The following ZNF791 variants were observed in gnomAD, a reference collection of about 807,000 sequenced individuals.
ZNF791 encodes zinc finger protein 791.
A neutral mutation model predicts 11.5 loss-of-function variants in ZNF791; 4 were observed. The observed-to-expected ratio is 0.35, with a 90% CI of 0.17 to 0.80. The LOEUF (loss-of-function observed/expected upper bound fraction) is 0.80, where lower values mean the gene tolerates loss of function less well. ZNF791 is among the 30% of genes least tolerant of loss of function. The probability of loss-of-function intolerance (pLI) is 0.53; values close to 1 mark genes in which losing one functional copy is unlikely to be tolerated. For missense variants in ZNF791, 559 were observed against 699.4 expected (o/e 0.80, Z 2.26); for synonymous variants, 212 against 228.1 (o/e 0.93, Z 0.64).
intron 2 of ZNF791, 45 bp from the exon 3 acceptor site, chr19:12,624,605 T>G (rs1303144785): frequency 1.4e-6 from 2 of 1,397,348 alleles, no homozygotes; most frequent in Non-Finnish European, 2.0e-6. Flanking sequence ...AATATTTGTA[T>G]AATTTTTAAT....
At chr19:12,618,933 C>CGCCTCCTGGGTTCAA (rs2023289451) in intron 1 of ZNF791, among the ~76,000 whole-genome samples, 1 of 150,812 alleles carries the variant, frequency 6.6e-6, no homozygotes, top group South Asian at 2.1e-4. Context: ...CTGCAACCTC[C>CGCCTCCTGGGTTCAA]GCCTCCTGGG....
rs1170537456 is a variant in ZNF791, at chr19:12,628,762, C to T, written c.1233C>T (p.Pro411=). The change falls in exon 4 of 4, where the codon CCC becomes CCT. Residue 411 remains proline, a synonymous_variant. Transcript: ENST00000343325. ...IHKRNHTGEK[P]YECKECAKTF... is the part of the protein sequence containing the mutation. ...AGAGAAATCACACTGGAGAAAAACC[C>T]TATGAGTGTAAGGAATGTGCAAAAA... 18 of 1,612,056 alleles carry T rather than the reference C, an allele frequency of 1.1e-5. No individual in the cohort carries two copies. Among genetic ancestry groups the T allele is most frequent in the Non-Finnish European group, 1.5e-5 (18 of 1,179,386 alleles).
chr19:12,623,048 C>G (rs1278473854), intron 1 of ZNF791, among the ~76,000 whole-genome samples: 1 of 152,080 alleles, frequency 6.6e-6, no homozygotes, highest in Non-Finnish European at 1.5e-5. Flanking sequence ...GCACTTGAGC[C>G]TAGGTGACAG....
chr19:12,612,097 G>A, intron 1 of ZNF791: 1 of 615,978 alleles, frequency 1.6e-6, no homozygotes, highest in Non-Finnish European at 2.0e-6. Flanking sequence ...TGATGTTTCA[G>A]ATGGTATTCC....
At chr19:12,619,037 G>A (rs537831868) in intron 1 of ZNF791, among the ~76,000 whole-genome samples, 38 of 151,704 alleles carry the variant, frequency 2.5e-4, no homozygotes, top group African/African-American at 1.4e-4. Flanking sequence ...TAGTAGCGAC[G>A]GAGTTTCACC....
At chr19:12,622,431 A>AAAAAC (rs1568288633) in intron 1 of ZNF791, among the ~76,000 whole-genome samples, 1 of 146,406 alleles carries the variant, frequency 6.8e-6, no homozygotes, top group African/African-American at 2.5e-5. Context: ...AAAAAAAAAA[A>AAAAAC]ACCTCCACCT....
In ZNF791 at chr19:12,633,184, T is replaced by G. The variant is rs534543479; in HGVS notation, c.*3924T>G. The G allele has an allele frequency of 6.6e-6, 1 of 152,330 alleles. No homozygotes were observed. The highest frequency in any genetic ancestry group is 2.1e-4 in the South Asian group (1 of 4,832). The allele number at this position is 152,330 out of a possible 1,614,324, so 9.4% of individuals were successfully genotyped here. A position where few individuals can be genotyped will look rare whatever the true frequency, so the allele number is the denominator to read the frequency against. ...AACATCTGGCATAAGTTGGTAAGTA[T>G]GTGAAGTTTATCATATATTCTTATG... On this transcript the variant is annotated 3_prime_UTR_variant, in exon 4 of 4. Coordinates refer to ENST00000343325, the MANE Select transcript of ZNF791 (RefSeq NM_153358.3).
At chr19:12,623,876 G>GGGGA in intron 2 of ZNF791, 50 bp downstream of exon 2, 1 of 833,968 alleles carries the variant, frequency 1.2e-6, no homozygotes, top group Non-Finnish European at 1.8e-6. Flanking sequence ...TTTTTGGGGG[G>GGGGA]GGACAGAGTT....
chr19:12,622,384 A>T lies in ZNF791; in HGVS notation c.4-1316A>T, dbSNP rs1304005919. On this transcript the variant is annotated intron_variant, in intron 1 of 3. Transcript: ENST00000343325. Reference sequence around the variant, plus strand: ...AATTAAAAAAAATAATAAATAAAAAAAATAATAAAAAAAAGACTGTCTCAA... The same window carrying T: ...AATTAAAAAAAATAATAAATAAAAATAATAATAAAAAAAAGACTGTCTCAA... Among the ~76,000 whole-genome samples the T allele has an allele frequency of 1.3e-3, 176 of 131,976 alleles. 3 individuals are homozygous for T. The highest frequency in any genetic ancestry group is 4.6e-4 in the Non-Finnish European group (29 of 62,712). The allele number at this position is 131,976 out of a possible 152,430, so 86.6% of individuals were successfully genotyped here. A position where few individuals can be genotyped will look rare whatever the true frequency, so the allele number is the denominator to read the frequency against.
chr19:12,624,202 G>C (rs1365326083), intron 2 of ZNF791, among the ~76,000 whole-genome samples: 1 of 144,204 alleles, frequency 6.9e-6, no homozygotes, highest in Non-Finnish European at 1.5e-5. Context: ...CCCCAGGGTG[G>C]AGTGCAGTGG....
chr19:12,621,031 G>A (rs1163509584), intron 1 of ZNF791, among the ~76,000 whole-genome samples: 2 of 152,078 alleles, frequency 1.3e-5, no homozygotes, highest in African/African-American at 4.8e-5. Context: ...ACAGTGCTGG[G>A]ATTACAGGCA....
At chr19:12,620,190 A>T (rs574614199) in intron 1 of ZNF791, among the ~76,000 whole-genome samples, 1 of 151,850 alleles carries the variant, frequency 6.6e-6, no homozygotes, top group East Asian at 1.9e-4. Context: ...GGTGTGAGCC[A>T]CCGCACCTGG....
chr19:12,614,037 G>A (rs2023202092), intron 1 of ZNF791, among the ~76,000 whole-genome samples: 2 of 152,098 alleles, frequency 1.3e-5, no homozygotes, highest in Non-Finnish European at 2.9e-5. Flanking sequence ...ATGAATTGGG[G>A]AGCTCATTTG....
chr19:12,631,974 T>A lies in ZNF791; in HGVS notation c.*2714T>A, dbSNP rs1208140042. 1.3e-5 allele frequency: 2 copies of A among 151,874 alleles called. No individual in the cohort carries two copies. Among genetic ancestry groups the A allele is most frequent in the Non-Finnish European group, 2.9e-5 (2 of 68,002 alleles). 9.4% of individuals were successfully genotyped at this position (151,874 alleles called of 1,614,324 possible). On this transcript the variant is annotated 3_prime_UTR_variant, in exon 4 of 4. Coordinates refer to ENST00000343325, the MANE Select transcript of ZNF791 (RefSeq NM_153358.3). The stretch of plus-strand genomic sequence containing the variant: ...GAGTAAACTGAAGTGTATTTTTTTT[T>A]TTTCGAGACGGAGTCTTGCTCTGTT...
chr19:12,628,205 AGTT>A lies in ZNF791; in HGVS notation c.680_682del (p.Cys227del). ...ATGTAAACAATGTGGGAAAGCCTTC[AGTT>A]GTTCCAGTTCTATTCGAGTACACGA... On this transcript the variant is annotated inframe_deletion, in exon 4 of 4. Coordinates refer to ENST00000343325, the MANE Select transcript of ZNF791 (RefSeq NM_153358.3). The A allele has an allele frequency of 6.2e-7, 1 of 1,614,076 alleles. No homozygotes were observed. Among genetic ancestry groups the A allele is most frequent in the Non-Finnish European group, 8.5e-7 (1 of 1,179,938 alleles).
intron 1 of ZNF791, among the ~76,000 whole-genome samples, chr19:12,621,816 G>C (rs1440077439): frequency 7.2e-6 from 1 of 138,936 alleles, no homozygotes; most frequent in African/African-American, 2.7e-5. Context: ...CGGGAGGTGA[G>C]GGGCGCCTCT....
chr19:12,628,819 C>T lies in ZNF791; in HGVS notation c.1290C>T (p.His430=), dbSNP rs753452598. 6.2e-7 allele frequency: 1 copy of T among 1,614,080 alleles called. No homozygotes were observed. The highest frequency in any genetic ancestry group is 8.5e-7 in the Non-Finnish European group (1 of 1,180,026). The change falls in exon 4 of 4, where the codon CAC becomes CAT. Residue 430 remains histidine, a synonymous_variant. Coordinates refer to ENST00000343325, the MANE Select transcript of ZNF791 (RefSeq NM_153358.3). ...TFISLENFRR[H]MITHTGDGPY... is the part of the protein sequence containing the mutation. ...TTTCTCTTGAGAACTTTCGAAGACA[C>T]ATGATCACCCACACTGGAGACGGAC...
At chr19:12,620,326 C>T (rs1168327344) in intron 1 of ZNF791, among the ~76,000 whole-genome samples, 11 of 152,094 alleles carry the variant, frequency 7.2e-5, no homozygotes, top group Non-Finnish European at 1.3e-4. Context: ...CAGGCGTGCA[C>T]CACCACGCCT....
chr19:12,616,409 A>G (rs1298956413), intron 1 of ZNF791, among the ~76,000 whole-genome samples: 1 of 152,226 alleles, frequency 6.6e-6, no homozygotes, highest in Non-Finnish European at 1.5e-5. Flanking sequence ...CATGGGCAAC[A>G]TAATGGATCC....
Sources: allele counts gnomAD v4.1 joint callset (sites outside exome capture counted in the v4.1 genomes callset), GRCh38; gene constraint gnomAD v4.1.1; transcripts MANE v1.5; gene names NCBI Gene and HGNC (gene_info 2026-07-23, HGNC 2026-07-21).